The following ZNF354C variants were observed in gnomAD, a reference collection of about 807,000 sequenced individuals.
ZNF354C encodes the protein KRAB-zinc finger protein synten.
In ZNF354C, 7 loss-of-function variants were observed where a neutral mutation model predicts 12.4. The observed-to-expected ratio is 0.56, with a 90% CI of 0.32 to 1.06. ZNF354C has a LOEUF of 1.06. Ranked by LOEUF, ZNF354C falls within the 50% of genes least tolerant of loss-of-function variation. The pLI, the probability that ZNF354C is intolerant of heterozygous loss-of-function variation, is 0.04. For synonymous variants in ZNF354C, 202 were observed against 224.5 expected (o/e 0.90, Z 0.90); for missense variants, 609 against 658.0 (o/e 0.93, Z 0.81).
chr5:179,082,962 T>A lies in ZNF354C; in HGVS notation c.*2865T>A, dbSNP rs1220723583. 1.2e-6 allele frequency: 1 copy of A among 825,886 alleles called. No homozygotes were observed. The highest frequency in any genetic ancestry group is 2.1e-6 in the Non-Finnish European group (1 of 483,884). 51.2% of individuals were successfully genotyped at this position (825,886 alleles called of 1,614,324 possible). On this transcript the variant is annotated 3_prime_UTR_variant, in exon 5 of 5. Transcript: ENST00000315475. ...GAGCTCAAGGCCATCCTCAACTTCT[T>A]TCATATGGAAAAAGAGCTTCTTGCT...
In ZNF354C at chr5:179,076,498, G is replaced by A. The variant is rs755091357; in HGVS notation, c.81G>A (p.Leu27=). The A allele has an allele frequency of 6.8e-6, 11 of 1,614,092 alleles. No individual in the cohort carries two copies. Among genetic ancestry groups the A allele is most frequent in the Admixed American group, 1.7e-5 (1 of 60,014 alleles). Residue 27 remains leucine, a synonymous_variant, in exon 3 of 5, where the codon TTG becomes TTA. Coordinates refer to ENST00000315475, the MANE Select transcript of ZNF354C (RefSeq NM_014594.3). ...VAVFFSQDEW[L]HLDSAQRALY... is the part of the protein sequence containing the mutation. ...TGTTCTTCAGCCAGGACGAGTGGTT[G>A]CACCTGGACTCTGCCCAGAGGGCCT...
In ZNF354C at chr5:179,082,797, T is replaced by C. The variant is rs917573977; in HGVS notation, c.*2700T>C. The C allele has an allele frequency of 4.4e-6, 6 of 1,356,102 alleles. No homozygotes were observed. The African/African-American group carries it at 7.2e-5, about 16-fold the overall frequency. 84.0% of individuals were successfully genotyped at this position (1,356,102 alleles called of 1,614,324 possible). On this transcript the variant is annotated 3_prime_UTR_variant, in exon 5 of 5. Transcript: ENST00000315475. ...ACTGGCATCATCCAGGGTGATGTTC[T>C]TCAAGCGACTGACCAACCGATCAGG...
rs142261994 is a variant in ZNF354C at position 179,075,515 on chromosome 5, A to T, written c.28-930A>T. On this transcript the variant is annotated intron_variant, in intron 2 of 4. Transcript: ENST00000315475. ...CACATACATACACACAATCTCCCTA[A>T]CTGTAAAAAACTGTAAGCCTAATGA... is the stretch of plus-strand genomic sequence containing the variant. Among the ~76,000 whole-genome samples the T allele has an allele frequency of 4.3e-3, 648 of 152,292 alleles. 3 individuals are homozygous for T. Among genetic ancestry groups the T allele is most frequent in the African/African-American group, 0.015 (624 of 41,584 alleles).
At chr5:179,063,188 T>G (rs1761916628) in intron 2 of ZNF354C, among the ~76,000 whole-genome samples, 1 of 152,224 alleles carries the variant, frequency 6.6e-6, no homozygotes, top group African/African-American at 2.4e-5. Flanking sequence ...GCAAGTTATT[T>G]TATCTCTCTG....
At chr5:179,063,892 ACAG>A (rs1224870230) in intron 2 of ZNF354C, among the ~76,000 whole-genome samples, 1 of 152,244 alleles carries the variant, frequency 6.6e-6, no homozygotes, top group Non-Finnish European at 1.5e-5. Flanking sequence ...AGTATCAGTA[ACAG>A]CAGCAGCAGC....
At chr5:179,063,425 C>T (rs1761919389) in intron 2 of ZNF354C, among the ~76,000 whole-genome samples, 2 of 152,208 alleles carry the variant, frequency 1.3e-5, no homozygotes, top group African/African-American at 4.8e-5. Context: ...TAGCTGGGTG[C>T]AGCAGCACCT....
rs370953070 is a variant in ZNF354C, at chr5:179,070,066, G to A, written c.28-6379G>A. 1.1e-4 allele frequency among the ~76,000 whole-genome samples: 17 copies of A among 152,242 alleles called. No individual in the cohort carries two copies. The South Asian group carries it at 1.5e-3, about 13-fold the overall frequency. On this transcript the variant is annotated intron_variant, in intron 2 of 4. Transcript: ENST00000315475. ...GCTCCTGGTCTATTAGGAACCAGGC[G>A]GTACAGCAGGAAGTGAACAGCAGGT... is the stretch of plus-strand genomic sequence containing the variant.
chr5:179,069,294 A>C (rs1207490371), intron 2 of ZNF354C, among the ~76,000 whole-genome samples: 1 of 152,222 alleles, frequency 6.6e-6, no homozygotes, highest in Non-Finnish European at 1.5e-5. Flanking sequence ...TGGAGGTTTC[A>C]TCTGCCTGAC....
At chr5:179,072,127 C>T (rs1305964480) in intron 2 of ZNF354C, among the ~76,000 whole-genome samples, 1 of 151,966 alleles carries the variant, frequency 6.6e-6, no homozygotes, top group Non-Finnish European at 1.5e-5. Context: ...TATTAGAATT[C>T]ACAAAGATTT....
intron 4 of ZNF354C, 37 bp downstream of exon 4, chr5:179,077,203 T>C: frequency 6.5e-7 from 1 of 1,544,504 alleles, no homozygotes; most frequent in African/African-American, 1.4e-5. Context: ...CAAGGGGTTC[T>C]TTATAGACAA....
chr5:179,078,367 C>A (rs1317734997), intron 4 of ZNF354C, among the ~76,000 whole-genome samples: 3 of 152,102 alleles, frequency 2.0e-5, no homozygotes, highest in Non-Finnish European at 4.4e-5. Flanking sequence ...TCAGCGTGGG[C>A]TTATCATTTG....
chr5:179,065,566 C>T (rs1761948461), intron 2 of ZNF354C, among the ~76,000 whole-genome samples: 1 of 152,046 alleles, frequency 6.6e-6, no homozygotes, highest in Non-Finnish European at 1.5e-5. Context: ...CAGACATGTG[C>T]CATCACGCCC....
Position 179,076,471 on chromosome 5 carries a change from C to T in ZNF354C, c.54C>T (p.Ala18=), listed in dbSNP as rs116407910. The part of the protein sequence containing the change: ...AQEPVTFRDV[A]VFFSQDEWLH... The stretch of plus-strand genomic sequence containing the variant: ...AGCCTGTGACATTCAGGGATGTGGC[C>T]GTGTTCTTCAGCCAGGACGAGTGGT... Residue 18 remains alanine, a synonymous_variant, in exon 3 of 5, where the codon GCC becomes GCT. Coordinates refer to ENST00000315475, the MANE Select transcript of ZNF354C (RefSeq NM_014594.3). The T allele has an allele frequency of 4.2e-3, 6,741 of 1,614,130 alleles. 25 individuals are homozygous for T. The highest frequency in any genetic ancestry group is 0.01 in the Middle Eastern group (63 of 6,060).
At chr5:179,061,349 T>G (rs1761889241) in intron 1 of ZNF354C, among the ~76,000 whole-genome samples, 1 of 152,122 alleles carries the variant, frequency 6.6e-6, no homozygotes, top group African/African-American at 2.4e-5. Flanking sequence ...GACGGCTGTT[T>G]CTGGTTGTGG....
intron 2 of ZNF354C, among the ~76,000 whole-genome samples, chr5:179,070,052 A>G (rs1271158956): frequency 6.6e-6 from 1 of 152,142 alleles, no homozygotes; most frequent in Non-Finnish European, 1.5e-5. Context: ...CTCCTGGTCT[A>G]TTAGGAACCA....
intron 2 of ZNF354C, 121 bp downstream of exon 2, chr5:179,062,216 A>G (rs1385644222): frequency 2.3e-6 from 3 of 1,314,674 alleles, no homozygotes; most frequent in Non-Finnish European, 2.2e-6. Flanking sequence ...AGAATCCGGA[A>G]CCTCAAAAGT....
intron 3 of ZNF354C, among the ~76,000 whole-genome samples, chr5:179,076,798 G>A (rs1390851893): frequency 6.6e-6 from 1 of 152,074 alleles, no homozygotes; most frequent in African/African-American, 2.4e-5. Context: ...CCTTGGAGTA[G>A]GCCAATGACT....
intron 2 of ZNF354C, among the ~76,000 whole-genome samples, chr5:179,063,855 C>T (rs1761924944): frequency 6.6e-6 from 1 of 152,196 alleles, no homozygotes; most frequent in South Asian, 2.1e-4. Context: ...ATTAAGACCT[C>T]CATAAATTCC....
intron 2 of ZNF354C, among the ~76,000 whole-genome samples, chr5:179,066,946 C>T (rs1761964938): frequency 6.6e-6 from 1 of 152,160 alleles, no homozygotes; most frequent in South Asian, 2.1e-4. Context: ...CTGCTCTGTT[C>T]TCTCTTTCTT....
Sources: gnomAD v4.1 joint callset for allele counts (sites outside exome capture counted in the v4.1 genomes callset) on GRCh38, gnomAD v4.1.1 for gene constraint, MANE v1.5 for transcripts, NCBI Gene and HGNC (gene_info 2026-07-23, HGNC 2026-07-21) for gene names.